The following IQCM variants were observed in gnomAD, a reference collection of about 807,000 sequenced individuals.
IQCM encodes the protein IQ motif containing M.
IQCM carries 45 observed loss-of-function variants against 57.6 expected under a neutral mutation model. The ratio of observed to expected loss-of-function variants is 0.78; its 90% confidence interval spans 0.62 to 1.00. The LOEUF (loss-of-function observed/expected upper bound fraction) is 1.00. IQCM is among the 50% of genes least tolerant of loss of function. IQCM has a pLI of 0.00. For synonymous variants in IQCM, 148 were observed against 158.9 expected, an observed-to-expected ratio of 0.93 and a Z score of 0.51; for missense variants, 468 against 511.6, an observed-to-expected ratio of 0.91 and a Z score of 0.82.
At chr4:149,733,634 C>A in intron 4 of IQCM, 126 bp from the exon 5 acceptor site, 1 of 436,514 alleles carries the variant, frequency 2.3e-6, no homozygotes, top group Non-Finnish European at 3.8e-6. Flanking sequence ...TACAAAGTAC[C>A]TTGCTATATA....
intron 7 of IQCM, among the ~76,000 whole-genome samples, chr4:149,630,589 C>T (rs964911477): frequency 6.6e-6 from 1 of 151,936 alleles, no homozygotes; most frequent in African/African-American, 2.4e-5. Context: ...AGAATTATTC[C>T]AAGTTTATCG....
chr4:149,600,531 A>C (rs903512011), intron 8 of IQCM, among the ~76,000 whole-genome samples: 1 of 152,220 alleles, frequency 6.6e-6, no homozygotes, highest in Non-Finnish European at 1.5e-5. Context: ...CTTAGCCATC[A>C]GCAATTTTGT....
chr4:149,691,131 CT>C (rs1466400293), intron 5 of IQCM: 5 of 152,088 alleles, frequency 3.3e-5, no homozygotes, highest in Non-Finnish European at 5.9e-5. Flanking sequence ...GCCAAATGTG[CT>C]AATTGCTATA....
At chr4:149,739,285 G>A (rs1004917456) in intron 3 of IQCM, among the ~76,000 whole-genome samples, 2 of 151,808 alleles carry the variant, frequency 1.3e-5, no homozygotes, top group Non-Finnish European at 2.9e-5. Flanking sequence ...TTTCTTATTT[G>A]TAAACAGAGG....
chr4:149,553,825 G>T (rs1367583745), intron 10 of IQCM, among the ~76,000 whole-genome samples: 1 of 151,894 alleles, frequency 6.6e-6, no homozygotes, highest in Non-Finnish European at 1.5e-5. Context: ...TGCAAATTTT[G>T]TTTCATTAGT....
chr4:149,730,791 A>G lies in IQCM; in HGVS notation c.385+2453T>C, dbSNP rs536909038. ...AGTATGAGTCATACTATAATTGTCT[A>G]TTTATTGTCCTTCAATGCCACTGCA... On this transcript the variant is annotated intron_variant, in intron 5 of 13. Transcript: ENST00000636793. Among the ~76,000 whole-genome samples the G allele has an allele frequency of 1.1e-4, 17 of 152,314 alleles. No individual in the cohort carries two copies. In the Middle Eastern group the frequency reaches 0.017, roughly 152 times the overall value.
intron 2 of IQCM, among the ~76,000 whole-genome samples, chr4:149,806,267 T>C (rs1365158040): frequency 1.3e-5 from 2 of 151,970 alleles, no homozygotes; most frequent in Admixed American, 6.6e-5. Flanking sequence ...TAATTTAGTT[T>C]AGTTATTTTT....
intron 12 of IQCM, among the ~76,000 whole-genome samples, chr4:149,460,721 A>C (rs1738184527): frequency 6.6e-6 from 1 of 152,194 alleles, no homozygotes; most frequent in Admixed American, 6.5e-5. Context: ...ACAACGTATG[A>C]ATTTACCAGA....
At chr4:149,694,765 G>A (rs1018679918) in intron 5 of IQCM, among the ~76,000 whole-genome samples, 1 of 152,164 alleles carries the variant, frequency 6.6e-6, no homozygotes, top group South Asian at 2.1e-4. Flanking sequence ...ATTTTATGTT[G>A]TGAAAATAGT....
At chr4:149,787,365 A>G (rs1772170402) in intron 2 of IQCM, among the ~76,000 whole-genome samples, 1 of 152,152 alleles carries the variant, frequency 6.6e-6, no homozygotes, top group Admixed American at 6.5e-5. Context: ...AAAAAATCCT[A>G]AAACTTATAT....
At chr4:149,652,964 G>A (rs1759322776) in intron 7 of IQCM, among the ~76,000 whole-genome samples, 1 of 152,062 alleles carries the variant, frequency 6.6e-6, no homozygotes, top group Non-Finnish European at 1.5e-5. Flanking sequence ...ATAATCTTTT[G>A]AATAGCTAGG....
intron 7 of IQCM, among the ~76,000 whole-genome samples, chr4:149,659,614 T>A (rs2150150891): frequency 6.6e-6 from 1 of 152,244 alleles, no homozygotes; most frequent in East Asian, 1.9e-4. Flanking sequence ...AACAGCATGG[T>A]ACTGGTACCA....
intron 12 of IQCM, among the ~76,000 whole-genome samples, chr4:149,520,849 T>G (rs1745567644): frequency 6.6e-6 from 1 of 152,018 alleles, no homozygotes; most frequent in Non-Finnish European, 1.5e-5. Flanking sequence ...CCACCTTGCC[T>G]CCTACTTTGC....
chr4:149,620,148 C>T (rs1756201507), intron 8 of IQCM, among the ~76,000 whole-genome samples: 1 of 149,258 alleles, frequency 6.7e-6, no homozygotes, highest in Non-Finnish European at 1.5e-5. Context: ...CAGAGAGAGA[C>T]TCCGTCTCAA....
intron 7 of IQCM, among the ~76,000 whole-genome samples, chr4:149,681,057 T>TG (rs1348375587): frequency 1.3e-5 from 2 of 151,304 alleles, no homozygotes; most frequent in Non-Finnish European, 3.0e-5. Context: ...ATAAACCTTT[T>TG]GATCATCCTG....
At chr4:149,776,139 T>A (rs1303781629) in intron 2 of IQCM, among the ~76,000 whole-genome samples, 2 of 150,044 alleles carry the variant, frequency 1.3e-5, no homozygotes, top group Non-Finnish European at 3.0e-5. Flanking sequence ...CTCTAAAAAA[T>A]TTAATTTAAT....
chr4:149,664,984 C>T (rs369026928), intron 7 of IQCM, among the ~76,000 whole-genome samples: 6 of 152,140 alleles, frequency 3.9e-5, no homozygotes, highest in African/African-American at 9.7e-5. Flanking sequence ...AGAGGTTAGG[C>T]ACATGGAATT....
intron 12 of IQCM, among the ~76,000 whole-genome samples, chr4:149,451,485 TA>T (rs1426868670): frequency 6.6e-6 from 1 of 151,612 alleles, no homozygotes; most frequent in East Asian, 1.9e-4. Flanking sequence ...CACAAAAATT[TA>T]AATAAAAAAT....
chr4:149,542,147 TG>T (rs1747909442), intron 12 of IQCM, among the ~76,000 whole-genome samples: 1 of 152,100 alleles, frequency 6.6e-6, no homozygotes, highest in Non-Finnish European at 1.5e-5. Flanking sequence ...TGTAGCTGGA[TG>T]GAGCAATATA....
Sources: allele counts gnomAD v4.1 joint callset (sites outside exome capture counted in the v4.1 genomes callset), GRCh38; gene constraint gnomAD v4.1.1; transcripts MANE v1.5; gene names NCBI Gene and HGNC (gene_info 2026-07-23, HGNC 2026-07-21).